Variants in LRWD1 observed in about 807,000 individuals in gnomAD.
LRWD1 encodes leucine rich repeats and WD repeat domain containing 1.
LRWD1 carries 76 observed loss-of-function variants against 75.6 expected under a neutral mutation model. That is an observed-to-expected ratio of 1.01 (90% confidence interval 0.84 to 1.22). LRWD1 has a LOEUF of 1.22. Among genes scored for constraint, LRWD1 ranks in the 50% most tolerant of loss-of-function variants. The pLI, the probability that LRWD1 is intolerant of heterozygous loss-of-function variation, is 0.00. For missense variants in LRWD1, 917 were observed against 862.0 expected (o/e 1.06, Z -0.80); for synonymous variants, 487 against 377.0 (o/e 1.29, Z -3.38).
Position 102,467,450 on chromosome 7 carries a change from G to T in LRWD1, c.544G>T (p.Glu182Ter), listed in dbSNP as rs768504896. The T allele has an allele frequency of 6.2e-7, 1 of 1,613,726 alleles. No individual in the cohort carries two copies. The change falls in exon 4 of 15, where the codon GAG becomes TAG. Residue 182 changes from glutamate (E) to a stop codon, truncating the protein, a stop_gained. Transcript: ENST00000292616. LOFTEE classifies it high-confidence loss of function. ...SAVRDVRYGP[E>*]SLSEFTQWRV... ...TGTCAGGGATGTCCGCTACGGGCCC[G>T]AGTCCCTCAGCGAGTTCACCCAGTG... is the stretch of plus-strand genomic sequence containing the variant.
chr7:102,469,351 G>A (rs1798117419), intron 9 of LRWD1, among the ~76,000 whole-genome samples: 1 of 152,260 alleles, frequency 6.6e-6, no homozygotes, highest in South Asian at 2.1e-4. Context: ...TGTCAAGGGG[G>A]ATGGATGAGC....
chr7:102,467,214 G>GTGTT, intron 3 of LRWD1, 125 bp from the exon 4 acceptor site: 2 of 815,784 alleles, frequency 2.5e-6, no homozygotes, highest in Non-Finnish European at 3.8e-6. Context: ...GTGTGTGTGT[G>GTGTT]TTTTATGAGG....
intron 11 of LRWD1, 149 bp from the exon 12 acceptor site, chr7:102,472,069 G>C (rs553793742): frequency 1.1e-5 from 8 of 736,388 alleles, no homozygotes; most frequent in Non-Finnish European, 1.8e-5. Context: ...GAACCTTCCT[G>C]GGGCCAAGAA....
chr7:102,469,067 G>GCCCCTCCCCTTCACCCCTGGGAC lies in LRWD1; in HGVS notation c.1228+10_1228+32dup. On this transcript the variant is annotated splice_donor_region_variant and intron_variant, in intron 9 of 14. Coordinates refer to ENST00000292616, the MANE Select transcript of LRWD1 (RefSeq NM_152892.3). ...CCCACGAGACCCATCTCTTCAGTAA[G>GCCCCTCCCCTTCACCCCTGGGAC]CCCCTCCCCTTCACCCCTGGGACCC... 1 of 1,593,910 alleles carries GCCCCTCCCCTTCACCCCTGGGAC rather than the reference G, an allele frequency of 6.3e-7. No individual in the cohort carries two copies.
At chr7:102,470,142 C>T in intron 11 of LRWD1, 1 of 458,060 alleles carries the variant, frequency 2.2e-6, no homozygotes, top group Admixed American at 4.0e-5. Flanking sequence ...CCATGCTGTG[C>T]CCACGTGATC....
chr7:102,465,238 G>A lies in LRWD1; in HGVS notation c.80+78G>A, dbSNP rs866213296. The stretch of plus-strand genomic sequence containing the variant: ...AGAAGAGCGGGGACCCTCCCCAACG[G>A]CCCGCTTGTCCCCGTTATCGCCCTC... On this transcript the variant is annotated intron_variant, in intron 1 of 14. Transcript: ENST00000292616. 30 of 1,287,372 alleles carry A rather than the reference G, an allele frequency of 2.3e-5. No individual in the cohort carries two copies. The Middle Eastern group carries it at 1.4e-3, about 60-fold the overall frequency. 79.7% of individuals were successfully genotyped at this position (1,287,372 alleles called of 1,614,324 possible).
In LRWD1 at chr7:102,467,021, C is replaced by T. The variant is rs536366930; in HGVS notation, c.433-318C>T. Among the ~76,000 whole-genome samples, 7 of 151,708 alleles carry T rather than the reference C, an allele frequency of 4.6e-5. No individual in the cohort carries two copies. In the East Asian group the frequency reaches 7.8e-4, roughly 17 times the overall value. On this transcript the variant is annotated intron_variant, in intron 3 of 14. Coordinates refer to ENST00000292616, the MANE Select transcript of LRWD1 (RefSeq NM_152892.3). ...CAACTCCTGGCCTCAAGCGATGCTT[C>T]TTCCTCAGCCTCCCAGTGGCTGGGA...
intron 4 of LRWD1, 117 bp downstream of exon 4, chr7:102,467,596 G>T: frequency 1.3e-6 from 2 of 1,518,886 alleles, no homozygotes; most frequent in Non-Finnish European, 1.8e-6. Flanking sequence ...AGGGTGGGCA[G>T]CCCTGTTGGC....
At chr7:102,471,944 A>G in intron 11 of LRWD1, 1 of 437,844 alleles carries the variant, frequency 2.3e-6, no homozygotes, top group African/African-American at 2.0e-5. Context: ...CTCGCTTCAG[A>G]GCCTTATCCA....
chr7:102,472,510 G>C lies in LRWD1; in HGVS notation c.1591G>C (p.Gly531Arg), dbSNP rs775426091. Residue 531 changes from glycine to arginine, a missense_variant, in exon 13 of 15, where the codon GGG (glycine) becomes CGG (arginine). Coordinates refer to ENST00000292616, the MANE Select transcript of LRWD1 (RefSeq NM_152892.3). The part of the protein sequence containing the change: ...ICLWSWRQTW[G>R]GRGSQSTVAV... Reference sequence around the variant, plus strand: ...CCTGTGGAGCTGGAGGCAGACGTGGGGGGGCCGGGGCAGCCAGTCCACGGT... The same window carrying C: ...CCTGTGGAGCTGGAGGCAGACGTGGCGGGGCCGGGGCAGCCAGTCCACGGT... The C allele has an allele frequency of 3.9e-6, 6 of 1,555,732 alleles. No homozygotes were observed. The highest frequency in any genetic ancestry group is 2.4e-5 in the East Asian group (1 of 41,916).
At position 102,469,661 on chromosome 7, in the gene LRWD1, G is replaced by A. The variant is rs1361245879; in HGVS notation, c.1301+15G>A. ...TTCCAGGCCAGGTGATGCTTCGGGT[G>A]AGGCTGGGGAGTGGCCAGCTGCTGG... On this transcript the variant is annotated intron_variant, in intron 10 of 14. Transcript: ENST00000292616. 3.1e-6 allele frequency: 5 copies of A among 1,614,194 alleles called. No homozygotes were observed. Among genetic ancestry groups the A allele is most frequent in the Non-Finnish European group, 1.7e-6 (2 of 1,179,998 alleles).
rs755733627 is a variant in LRWD1, at chr7:102,472,208, T to C, written c.1443-10T>C. On this transcript the variant is annotated splice_polypyrimidine_tract_variant and intron_variant, in intron 11 of 14. Transcript: ENST00000292616. The stretch of plus-strand genomic sequence containing the variant: ...GGAATGGCCAACTAGCATCTCGTGC[T>C]GCCCCACAGGGTGTGTGAAGTGGAA... 1.3e-6 allele frequency: 2 copies of C among 1,583,194 alleles called. No individual in the cohort carries two copies. Among genetic ancestry groups the C allele is most frequent in the African/African-American group, 1.3e-5 (1 of 74,564 alleles).
intron 11 of LRWD1, chr7:102,470,796 C>T (rs1241340080): frequency 1.3e-5 from 2 of 152,248 alleles, no homozygotes; most frequent in Non-Finnish European, 2.9e-5. Flanking sequence ...ATAGAGTCTC[C>T]CTCTTGTCAC....
intron 9 of LRWD1, 67 bp downstream of exon 9, chr7:102,469,129 C>A: frequency 7.2e-7 from 1 of 1,391,710 alleles, no homozygotes; most frequent in Admixed American, 2.4e-5. Flanking sequence ...GTAGCCTCCA[C>A]GCTCCCCTCC....
chr7:102,467,206 G>GTT (rs1798033725), intron 3 of LRWD1, 133 bp from the exon 4 acceptor site: 106 of 745,606 alleles, frequency 1.4e-4, no homozygotes, highest in Middle Eastern at 1.1e-3. Context: ...GTGTGTGTGT[G>GTT]TGTGTGTGTT....
intron 3 of LRWD1, 133 bp from the exon 4 acceptor site, chr7:102,467,205 TG>T (rs1798033526): frequency 4.0e-6 from 3 of 749,450 alleles, no homozygotes; most frequent in Non-Finnish European, 6.6e-6. Context: ...TGTGTGTGTG[TG>T]TGTGTGTGTT....
Position 102,469,578 on chromosome 7 carries a change from C to T in LRWD1, c.1233C>T (p.Ala411=). 1 of 1,614,196 alleles carries T rather than the reference C, an allele frequency of 6.2e-7. No homozygotes were observed. The highest frequency in any genetic ancestry group is 8.5e-7 in the Non-Finnish European group (1 of 1,180,006). ...CCTACCCCACCCCCTCTTCAGCGGC[C>T]TCCTATGACAAGCGGATCATCCTCT... ...SPAHETHLFT[A]SYDKRIILWD... The change falls in exon 10 of 15, where the codon GCC becomes GCT. Residue 411 remains alanine, a synonymous_variant. Transcript: ENST00000292616.
chr7:102,469,768 C>G lies in LRWD1; in HGVS notation c.1328C>G (p.Ser443Cys), dbSNP rs2133269993. The change falls in exon 11 of 15, where the codon TCT becomes TGT. Residue 443 changes from serine (S) to cysteine (C), a missense_variant. Physicochemically the swap from Ser to Cys is moderately radical, Grantham distance 112. Transcript: ENST00000292616. Reference protein sequence around the residue: ...ASQLLTLDTTSIPLRLCPVAS... With the variant: ...ASQLLTLDTTCIPLRLCPVAS... ...CAGCTGCTCACACTGGACACCACCT[C>G]TATCCCCCTGCGCCTCTGCCCTGTC... The G allele has an allele frequency of 1.2e-6, 2 of 1,610,016 alleles. No homozygotes were observed. The highest frequency in any genetic ancestry group is 1.7e-6 in the Non-Finnish European group (2 of 1,177,496).
chr7:102,469,991 T>G, intron 11 of LRWD1, 109 bp downstream of exon 11: 1 of 1,312,098 alleles, frequency 7.6e-7, no homozygotes, highest in Non-Finnish European at 1.0e-6. Flanking sequence ...ATAAGGGTTG[T>G]TTTTAGAGGC....
Sources: gnomAD v4.1 joint callset for allele counts (sites outside exome capture counted in the v4.1 genomes callset) on GRCh38, gnomAD v4.1.1 for gene constraint, MANE v1.5 for transcripts, NCBI Gene and HGNC (gene_info 2026-07-23, HGNC 2026-07-21) for gene names.